Variants in CDH18 observed in about 807,000 individuals in gnomAD.
The protein encoded by CDH18 is cadherin-18.
Under a neutral mutation model 67.9 loss-of-function variants are expected in CDH18, and 31 were observed. The ratio of observed to expected loss-of-function variants is 0.46; its 90% CI spans 0.34 to 0.62. The LOEUF is 0.62. Among genes scored for constraint, CDH18 ranks in the 20% least tolerant of loss-of-function variants. The pLI is 0.01. For synonymous variants in CDH18, 362 were observed against 347.2 expected (o/e 1.04, Z -0.48); for missense variants, 890 against 975.5 (o/e 0.91, Z 1.17).
In CDH18 at chr5:20,336,596, G is replaced by T. The variant is rs367586157; in HGVS notation, c.-579-81091C>A. On this transcript the variant is annotated intron_variant, in intron 1 of 14. Transcript: ENST00000507958. ...AAATTAGCCGGCCGTGGTGGCCAGCGCCTGTAGTTCCAGCTACTCTGGAGG... is the reference window on the plus strand; with the variant it reads ...AAATTAGCCGGCCGTGGTGGCCAGCTCCTGTAGTTCCAGCTACTCTGGAGG... 2.0e-5 allele frequency among the ~76,000 whole-genome samples: 3 copies of T among 151,508 alleles called. No individual in the cohort carries two copies. The East Asian group carries it at 5.9e-4, about 30-fold the overall frequency.
intron 12 of CDH18, among the ~76,000 whole-genome samples, chr5:19,480,474 C>T (rs1261661310): frequency 1.3e-5 from 2 of 151,510 alleles, no homozygotes; most frequent in African/African-American, 2.4e-5. Context: ...GCCTCCCGGG[C>T]TCACGCCATT....
chr5:19,856,651 A>G (rs1197981998), intron 2 of CDH18, among the ~76,000 whole-genome samples: 2 of 152,018 alleles, frequency 1.3e-5, no homozygotes, highest in Non-Finnish European at 2.9e-5. Context: ...CCCTACTTCA[A>G]TCTGATGAGT....
chr5:19,831,025 G>A (rs946738873), intron 3 of CDH18, among the ~76,000 whole-genome samples: 1 of 152,092 alleles, frequency 6.6e-6, no homozygotes, highest in African/African-American at 2.4e-5. Flanking sequence ...ACAGATACTG[G>A]AGTCTTTGTG....
At chr5:20,349,974 A>G (rs773969975) in intron 1 of CDH18, among the ~76,000 whole-genome samples, 1 of 152,162 alleles carries the variant, frequency 6.6e-6, no homozygotes, top group Non-Finnish European at 1.5e-5. Context: ...TCAAGAAAGC[A>G]CATCTGAAAT....
At chr5:20,049,131 T>C (rs1192215062) in intron 2 of CDH18, among the ~76,000 whole-genome samples, 1 of 151,658 alleles carries the variant, frequency 6.6e-6, no homozygotes, top group Admixed American at 6.6e-5. Flanking sequence ...TATAAGAGGC[T>C]AACAGCTAAT....
chr5:19,949,052 T>C (rs1561613739), intron 2 of CDH18, among the ~76,000 whole-genome samples: 1 of 152,096 alleles, frequency 6.6e-6, no homozygotes, highest in South Asian at 2.1e-4. Flanking sequence ...CATAAGACAG[T>C]AACGAATAAA....
chr5:19,703,603 T>G (rs1460352582), intron 5 of CDH18, among the ~76,000 whole-genome samples: 1 of 152,052 alleles, frequency 6.6e-6, no homozygotes, highest in African/African-American at 2.4e-5. Flanking sequence ...CCCCAGTGAC[T>G]GTTCAAGCAG....
chr5:20,393,189 T>C lies in CDH18; in HGVS notation c.-579-137684A>G, dbSNP rs147015514. Among the ~76,000 whole-genome samples the C allele has an allele frequency of 2.4e-3, 362 of 152,090 alleles. 5 individuals carry two copies. The South Asian group carries it at 0.042, about 18-fold the overall frequency. On this transcript the variant is annotated intron_variant, in intron 1 of 14. Transcript: ENST00000507958. ...GTTTGTGAATGTCATAGGATAAAGA[T>C]AGTGTGGCTTAGTAGTGTTTGATGG...
At chr5:20,227,719 C>T (rs1266440347) in intron 2 of CDH18, among the ~76,000 whole-genome samples, 1 of 151,984 alleles carries the variant, frequency 6.6e-6, no homozygotes, top group Admixed American at 6.6e-5. Context: ...AACTCCTAGG[C>T]TCAAGCAGTC....
chr5:20,545,336 C>A (rs541971430), intron 1 of CDH18, among the ~76,000 whole-genome samples: 1 of 152,320 alleles, frequency 6.6e-6, no homozygotes, highest in East Asian at 1.9e-4. Context: ...AGGCAATGCC[C>A]CAGTGGGCAC....
intron 2 of CDH18, among the ~76,000 whole-genome samples, chr5:19,873,787 A>C (rs1786608600): frequency 6.6e-6 from 1 of 152,060 alleles, no homozygotes; most frequent in Admixed American, 6.6e-5. Context: ...AGCTGGGACT[A>C]CAGGAATATG....
At chr5:20,373,107 A>G (rs1352521934) in intron 1 of CDH18, among the ~76,000 whole-genome samples, 4 of 152,160 alleles carry the variant, frequency 2.6e-5, no homozygotes, top group Non-Finnish European at 4.4e-5. Context: ...TCTCCAATCC[A>G]TTTTGCTCAC....
At chr5:20,371,930 G>A (rs74673350) in intron 1 of CDH18, among the ~76,000 whole-genome samples, 3,437 of 152,284 alleles carry the variant, frequency 0.023, 100 homozygotes, top group East Asian at 0.075. Flanking sequence ...TCAACAGATA[G>A]CATTTAATAA....
At chr5:19,666,237 T>TTGA (rs1757908537) in intron 5 of CDH18, among the ~76,000 whole-genome samples, 1 of 128,162 alleles carries the variant, frequency 7.8e-6, no homozygotes, top group East Asian at 2.2e-4. Flanking sequence ...CTGTATGATT[T>TTGA]TTATTATTAT....
chr5:19,765,177 A>C (rs1035754192), intron 3 of CDH18, among the ~76,000 whole-genome samples: 2 of 152,172 alleles, frequency 1.3e-5, no homozygotes, highest in Non-Finnish European at 2.9e-5. Flanking sequence ...TGGAAGAAAG[A>C]ATTAACTGCA....
chr5:19,735,987 GAATT>G (rs1314145260), intron 4 of CDH18, among the ~76,000 whole-genome samples: 2 of 152,140 alleles, frequency 1.3e-5, no homozygotes, highest in African/African-American at 4.8e-5. Flanking sequence ...TTGGAGGAAA[GAATT>G]AAAAGAATTT....
chr5:19,520,891 G>A (rs1746796796), intron 9 of CDH18, 113 bp from the exon 10 acceptor site: 1 of 1,158,772 alleles, frequency 8.6e-7, no homozygotes, highest in Non-Finnish European at 1.2e-6. Flanking sequence ...GCCATAGCTG[G>A]ACTTTTGGCA....
chr5:19,524,677 G>C (rs1035256481), intron 9 of CDH18, among the ~76,000 whole-genome samples: 1 of 152,052 alleles, frequency 6.6e-6, no homozygotes, highest in Non-Finnish European at 1.5e-5. Flanking sequence ...TAAAAATCTG[G>C]GGTAAGAATA....
intron 2 of CDH18, among the ~76,000 whole-genome samples, chr5:19,947,094 G>A (rs2150249828): frequency 6.6e-6 from 1 of 152,054 alleles, no homozygotes; most frequent in East Asian, 1.9e-4. Context: ...ACTACATAAA[G>A]CATATATACA....
Sources: gnomAD v4.1 joint callset for allele counts (sites outside exome capture counted in the v4.1 genomes callset) on GRCh38, gnomAD v4.1.1 for gene constraint, MANE v1.5 for transcripts, NCBI Gene and HGNC (gene_info 2026-07-23, HGNC 2026-07-21) for gene names.